DTNA: variants seen among roughly 807,000 people sequenced by gnomAD.
The protein encoded by DTNA is dystrophin-related protein 3.
Under a neutral mutation model 100.7 loss-of-function variants are expected in DTNA, and 43 were observed. The observed-to-expected ratio is 0.43, with a 90% CI of 0.33 to 0.55. The LOEUF is 0.55. Ranked by LOEUF, DTNA falls within the 20% of genes least tolerant of loss-of-function variation. The pLI, the probability that DTNA is intolerant of heterozygous loss-of-function variation, is 0.04. For synonymous variants in DTNA, 349 were observed against 347.9 expected (o/e 1.00, Z -0.04); for missense variants, 798 against 953.9 (o/e 0.84, Z 2.15).
At chr18:34,702,061 C>T (rs1237243356) in intron 1 of DTNA, among the ~76,000 whole-genome samples, 1 of 149,298 alleles carries the variant, frequency 6.7e-6, no homozygotes. Flanking sequence ...ACATGGGCTT[C>T]AAAGTCCTGG....
Position 34,820,796 on chromosome 18 carries a change from A to T in DTNA, c.882A>T (p.Ser294=). ...HQMKEYTSWK[S]PAKKLTNALS... The stretch of plus-strand genomic sequence containing the variant: ...GCCTTCCTTCTTCTTTCCAGAAATC[A>T]CCTGCTAAGAAGCTGACTAATGCAT... Residue 294 remains serine (S), a synonymous_variant, in exon 9 of 23, where the codon TCA becomes TCT. Coordinates refer to ENST00000444659, the MANE Select transcript of DTNA (RefSeq NM_001386795.1). The T allele has an allele frequency of 6.2e-7, 1 of 1,614,150 alleles. No homozygotes were observed. Among genetic ancestry groups the T allele is most frequent in the Non-Finnish European group, 8.5e-7 (1 of 1,179,988 alleles).
Position 34,815,910 on chromosome 18 carries a change from A to G in DTNA, c.605A>G (p.Lys202Arg), listed in dbSNP as rs1568620293. 6.2e-7 allele frequency: 1 copy of G among 1,613,594 alleles called. No individual in the cohort carries two copies. The change falls in exon 7 of 23, where the codon AAA becomes AGA. Residue 202 changes from lysine (K) to arginine (R), a missense_variant and splice_region_variant. Lys to Arg is a conservative substitution (Grantham distance 26, BLOSUM62 2). Around this residue, in one of 6 missense-constraint regions of DTNA, gnomAD observed 81 missense variants for 153.5 expected, o/e 0.53. Transcript: ENST00000444659. Reference protein sequence around the residue: ...QSARSCFSQQKKVTLNGFLDT... With the variant: ...QSARSCFSQQRKVTLNGFLDT... Reference sequence around the variant, plus strand: ...TTTATGGGGGGTTTTTTTATGCAGAAAAAAGTCACGTTAAATGGTTTCTTG... The same window carrying G: ...TTTATGGGGGGTTTTTTTATGCAGAGAAAAGTCACGTTAAATGGTTTCTTG...
At chr18:34,834,679 G>A (rs938894058) in intron 11 of DTNA, among the ~76,000 whole-genome samples, 1 of 152,082 alleles carries the variant, frequency 6.6e-6, no homozygotes, top group African/African-American at 2.4e-5. Context: ...CAGACAAGAG[G>A]TGCCAGGCTA....
intron 18 of DTNA, among the ~76,000 whole-genome samples, chr18:34,876,001 A>T (rs997379136): frequency 1.3e-5 from 2 of 152,198 alleles, no homozygotes; most frequent in Non-Finnish European, 2.9e-5. Context: ...CACTTTTTAA[A>T]ACCTCTTCTT....
chr18:34,494,823 C>T (rs987885567), intron 1 of DTNA, among the ~76,000 whole-genome samples: 2 of 152,022 alleles, frequency 1.3e-5, no homozygotes, highest in African/African-American at 4.8e-5. Flanking sequence ...GTTTGTATTT[C>T]CTTTTGAACC....
intron 1 of DTNA, among the ~76,000 whole-genome samples, chr18:34,730,513 C>T (rs1272348790): frequency 2.6e-5 from 4 of 152,068 alleles, no homozygotes; most frequent in Admixed American, 2.0e-4. Context: ...ACTGAGGGAA[C>T]ATGGCAAAGT....
In DTNA at chr18:34,678,894, A is replaced by G. The variant is rs1167126187; in HGVS notation, c.-1-77082A>G. ...AATTTATGTTATTACTACACAACATAATTATATGGATTATTAAGTAACATT... is the reference window on the plus strand; with the variant it reads ...AATTTATGTTATTACTACACAACATGATTATATGGATTATTAAGTAACATT... On this transcript the variant is annotated intron_variant, in intron 1 of 19. Transcript: ENST00000283365. 2.0e-5 allele frequency among the ~76,000 whole-genome samples: 3 copies of G among 152,194 alleles called. No homozygotes were observed. The East Asian group carries it at 5.8e-4, about 29-fold the overall frequency.
chr18:34,609,187 T>G (rs2053718169), intron 1 of DTNA, among the ~76,000 whole-genome samples: 1 of 152,088 alleles, frequency 6.6e-6, no homozygotes, highest in Non-Finnish European at 1.5e-5. Context: ...CTTTCTTTAT[T>G]GTACAAGATA....
chr18:34,817,006 A>G (rs2095611637), intron 7 of DTNA, among the ~76,000 whole-genome samples: 1 of 152,218 alleles, frequency 6.6e-6, no homozygotes, highest in Non-Finnish European at 1.5e-5. Context: ...ATCAAGGTCC[A>G]TGTTATTATG....
At chr18:34,761,462 T>C (rs1260563542) in intron 2 of DTNA, among the ~76,000 whole-genome samples, 1 of 151,516 alleles carries the variant, frequency 6.6e-6, no homozygotes, top group Non-Finnish European at 1.5e-5. Context: ...AATGAACAAA[T>C]GAATGGGTAG....
At chr18:34,607,080 A>G (rs1265368051) in intron 1 of DTNA, among the ~76,000 whole-genome samples, 1 of 152,160 alleles carries the variant, frequency 6.6e-6, no homozygotes, top group African/African-American at 2.4e-5. Context: ...ATTCTCAAGT[A>G]TTTGCATTTT....
At chr18:34,871,939 T>C (rs2096769759) in intron 17 of DTNA, among the ~76,000 whole-genome samples, 1 of 152,230 alleles carries the variant, frequency 6.6e-6, no homozygotes, top group African/African-American at 2.4e-5. Context: ...CAGCACAGGA[T>C]CTTCCACCTA....
chr18:34,840,047 T>C (rs533078927), intron 13 of DTNA, among the ~76,000 whole-genome samples: 32 of 152,314 alleles, frequency 2.1e-4, no homozygotes, highest in Admixed American at 1.5e-3. Context: ...AGATCTATTT[T>C]TGCAAGATTA....
intron 11 of DTNA, among the ~76,000 whole-genome samples, chr18:34,832,522 C>T (rs534769243): frequency 1.2e-3 from 188 of 152,282 alleles, no homozygotes; most frequent in Middle Eastern, 0.01. Context: ...AGCAAACTTT[C>T]CTAGAGGCTC....
chr18:34,670,968 A>C (rs1021631890), intron 1 of DTNA, among the ~76,000 whole-genome samples: 6 of 152,216 alleles, frequency 3.9e-5, no homozygotes, highest in African/African-American at 1.4e-4. Flanking sequence ...GGGACATTCA[A>C]GTCTGCAGAG....
intron 1 of DTNA, chr18:34,737,680 G>A (rs926749050): frequency 4.6e-5 from 7 of 152,150 alleles, no homozygotes; most frequent in African/African-American, 1.7e-4. Context: ...TTTACCGTTG[G>A]ATTCATATTC....
At chr18:34,503,278 C>CTTTTT (rs1568548383) in intron 1 of DTNA, among the ~76,000 whole-genome samples, 1 of 112,570 alleles carries the variant, frequency 8.9e-6, no homozygotes. Flanking sequence ...ATAATTGGCT[C>CTTTTT]ATTTTTTTTT....
At chr18:34,736,378 C>T (rs982163105) in intron 1 of DTNA, among the ~76,000 whole-genome samples, 1 of 151,998 alleles carries the variant, frequency 6.6e-6, no homozygotes, top group Non-Finnish European at 1.5e-5. Context: ...TGAATAAATC[C>T]GCTCATGCAA....
intron 1 of DTNA, among the ~76,000 whole-genome samples, chr18:34,748,716 GT>G (rs1387833211): frequency 2.6e-5 from 4 of 152,132 alleles, no homozygotes; most frequent in Non-Finnish European, 5.9e-5. Context: ...TAGTCTTGTA[GT>G]TTAATTTGAG....
Sources: allele counts gnomAD v4.1 joint callset (sites outside exome capture counted in the v4.1 genomes callset), GRCh38; gene constraint gnomAD v4.1.1; regional missense constraint gnomAD v4.1.1; transcripts MANE v1.5; gene names NCBI Gene and HGNC (gene_info 2026-07-23, HGNC 2026-07-21).